SLC39A12: variants seen among roughly 807,000 people sequenced by gnomAD.
SLC39A12 encodes the protein zinc transporter ZIP12.
Under a neutral mutation model 71.1 loss-of-function variants are expected in SLC39A12, and 63 were observed. That is an observed-to-expected ratio of 0.89 (90% confidence interval 0.72 to 1.09). The LOEUF is 1.09. Among genes scored for constraint, SLC39A12 ranks in the 50% least tolerant of loss-of-function variants. The pLI, the probability that SLC39A12 is intolerant of heterozygous loss-of-function variation, is 0.00. For synonymous variants in SLC39A12, 351 were observed against 301.3 expected, an observed-to-expected ratio of 1.16 and a Z score of -1.71; for missense variants, 892 against 812.6, an observed-to-expected ratio of 1.10 and a Z score of -1.19.
chr10:18,039,209 G>A (rs1026090246), intron 12 of SLC39A12, among the ~76,000 whole-genome samples: 9 of 152,134 alleles, frequency 5.9e-5, no homozygotes, highest in Non-Finnish European at 1.0e-4. Context: ...AATCTTGTTT[G>A]AAAAATGAGG....
chr10:17,987,135 C>G (rs1018948066), intron 6 of SLC39A12, among the ~76,000 whole-genome samples: 1 of 152,082 alleles, frequency 6.6e-6, no homozygotes, highest in Non-Finnish European at 1.5e-5. Context: ...TCGAGACCAG[C>G]CTGGGGAACA....
At chr10:18,031,038 AG>A (rs1241224498) in intron 12 of SLC39A12, among the ~76,000 whole-genome samples, 3 of 150,856 alleles carry the variant, frequency 2.0e-5, no homozygotes, top group African/African-American at 7.3e-5. Flanking sequence ...TTCTTAATCC[AG>A]TCTGTCATTG....
At chr10:17,990,036 A>G (rs897871514) in intron 7 of SLC39A12, among the ~76,000 whole-genome samples, 5 of 152,220 alleles carry the variant, frequency 3.3e-5, no homozygotes, top group African/African-American at 1.2e-4. Flanking sequence ...CACAGAAGTG[A>G]GAAAAATGTT....
chr10:17,987,764 C>A, intron 7 of SLC39A12, 113 bp downstream of exon 7: 1 of 1,105,270 alleles, frequency 9.0e-7, no homozygotes, highest in Non-Finnish European at 1.3e-6. Flanking sequence ...AGTATCGTGG[C>A]TGGTGTTTTC....
At position 18,042,471 on chromosome 10, in the gene SLC39A12, A is replaced by AG. The variant is rs1837285665; in HGVS notation, c.1948-234_1948-233insG. On this transcript the variant is annotated intron_variant, in intron 12 of 12. Coordinates refer to ENST00000377369, the MANE Select transcript of SLC39A12 (RefSeq NM_001145195.2). ...AAGACCCTGCCTCAAAAGAAAAAAAAAAAAAAAAAAAAGACTTTGCCAATC... is the reference window on the plus strand; with the variant it reads ...AAGACCCTGCCTCAAAAGAAAAAAAAGAAAAAAAAAAAAGACTTTGCCAATC... 2.0e-5 allele frequency among the ~76,000 whole-genome samples: 3 copies of AG among 151,636 alleles called. No individual in the cohort carries two copies. The South Asian group carries it at 6.3e-4, about 32-fold the overall frequency.
chr10:18,009,306 G>A (rs527854148), intron 12 of SLC39A12, among the ~76,000 whole-genome samples: 1 of 152,214 alleles, frequency 6.6e-6, no homozygotes, highest in African/African-American at 2.4e-5. Context: ...CCAAGCTGAT[G>A]GAGGAGCTGT....
rs1377453780 is a variant in SLC39A12 at position 17,953,524 on chromosome 10, G to T, written c.248G>T (p.Gly83Val). ...GCPRRRNGMQ[G>V]DCNLCFEPDA... Reference sequence around the variant, plus strand: ...CCACGGAGGAGAAACGGAATGCAAGGAGATTGCAATCTGGTTAGTGAAATA... The same window carrying T: ...CCACGGAGGAGAAACGGAATGCAAGTAGATTGCAATCTGGTTAGTGAAATA... The change falls in exon 2 of 13, where the codon GGA becomes GTA. Residue 83 changes from glycine (G) to valine (V), a missense_variant. Physicochemically the swap from Gly to Val is moderately radical, Grantham distance 109 (BLOSUM62 -3). Transcript: ENST00000377369. 3 of 1,614,044 alleles carry T rather than the reference G, an allele frequency of 1.9e-6. No individual in the cohort carries two copies. The highest frequency in any genetic ancestry group is 2.5e-6 in the Non-Finnish European group (3 of 1,180,038).
chr10:17,995,712 C>T lies in SLC39A12; in HGVS notation c.1590C>T (p.Ser530=), dbSNP rs754388549. The change falls in exon 10 of 13, where the codon TCC becomes TCT. Residue 530 remains serine, a synonymous_variant. Coordinates refer to ENST00000377369, the MANE Select transcript of SLC39A12 (RefSeq NM_001145195.2). ...AEMPIGSMTA[S]NRKCKAISLL... ...TGCCTATAGGCAGTATGACAGCCTC[C>T]AACAGAAAATGTGAGTACCAAGCTA... is the stretch of plus-strand genomic sequence containing the variant. 1.2e-5 allele frequency: 20 copies of T among 1,612,418 alleles called. No individual in the cohort carries two copies. In the South Asian group the frequency reaches 2.2e-4, roughly 18 times the overall value.
At chr10:17,985,057 A>T (rs1441292309) in intron 6 of SLC39A12, among the ~76,000 whole-genome samples, 1 of 152,162 alleles carries the variant, frequency 6.6e-6, no homozygotes, top group East Asian at 1.9e-4. Flanking sequence ...TATTAAAATG[A>T]TCTAGTCTGG....
intron 4 of SLC39A12, among the ~76,000 whole-genome samples, chr10:17,966,955 C>A (rs1444407797): frequency 1.3e-5 from 2 of 151,178 alleles, no homozygotes; most frequent in Non-Finnish European, 2.9e-5. Context: ...CCTTTCAAGA[C>A]AGAGCGAGAT....
intron 12 of SLC39A12, among the ~76,000 whole-genome samples, chr10:18,023,682 G>T (rs923762662): frequency 1.3e-5 from 2 of 152,188 alleles, no homozygotes; most frequent in African/African-American, 4.8e-5. Flanking sequence ...TGTGCTGGGG[G>T]TGTCAGCAAA....
At chr10:17,995,769 C>T (rs1835668719) in intron 10 of SLC39A12, 47 bp downstream of exon 10, 5 of 1,501,484 alleles carry the variant, frequency 3.3e-6, no homozygotes, top group African/African-American at 2.8e-5. Flanking sequence ...CATAGAAAAA[C>T]AGTTATGTCT....
Position 17,986,253 on chromosome 10 carries a change from C to A in SLC39A12, c.1097-1226C>A, listed in dbSNP as rs543489750. Among the ~76,000 whole-genome samples, 6 of 152,290 alleles carry A rather than the reference C, an allele frequency of 3.9e-5. No individual in the cohort carries two copies. In the East Asian group the frequency reaches 7.7e-4, roughly 20 times the overall value. ...TTGAGGGTTGGAGGTGAGCTCAGTC[C>A]TTGCTTGCTGCAATAATTTTTAGTA... On this transcript the variant is annotated intron_variant, in intron 6 of 12. Transcript: ENST00000377369.
chr10:18,012,902 A>T (rs1393046092), intron 12 of SLC39A12, among the ~76,000 whole-genome samples: 2 of 151,916 alleles, frequency 1.3e-5, no homozygotes, highest in Admixed American at 1.3e-4. Flanking sequence ...AAATCCTGCA[A>T]AAATGGATTT....
At chr10:18,011,690 A>G (rs961069862) in intron 12 of SLC39A12, among the ~76,000 whole-genome samples, 2 of 152,212 alleles carry the variant, frequency 1.3e-5, no homozygotes, top group African/African-American at 4.8e-5. Context: ...TCCCCTAAGG[A>G]AAAAAAGGAG....
chr10:18,034,945 T>A (rs1240295745), intron 12 of SLC39A12, among the ~76,000 whole-genome samples: 1 of 152,088 alleles, frequency 6.6e-6, no homozygotes. Context: ...GGATTGAAAA[T>A]TCTTGTCTTT....
chr10:18,035,239 G>A (rs1265707896), intron 12 of SLC39A12, among the ~76,000 whole-genome samples: 1 of 145,708 alleles, frequency 6.9e-6, no homozygotes, highest in African/African-American at 2.7e-5. Flanking sequence ...ATCCTGCAGA[G>A]TGTTTTCCAA....
Position 17,993,238 on chromosome 10 carries a change from T to C in SLC39A12, c.1480T>C (p.Ser494Pro). ...VGHSHHLALN[S>P]ELSDQAGRGK... ...TCATTCCCACCATCTTGCACTCAAC[T>C]CTGAATTAAGTGACCAGGCAGGCAG... Residue 494 changes from serine (S) to proline (P), a missense_variant, in exon 9 of 13, where the codon TCT becomes CCT. By Grantham distance (74) the Ser-to-Pro change is moderately conservative. Transcript: ENST00000377369. 1.4e-5 allele frequency: 21 copies of C among 1,551,988 alleles called. No individual in the cohort carries two copies. Among genetic ancestry groups the C allele is most frequent in the Non-Finnish European group, 1.7e-5 (20 of 1,147,036 alleles).
intron 12 of SLC39A12, among the ~76,000 whole-genome samples, chr10:18,015,225 T>C (rs1258401381): frequency 8.7e-6 from 1 of 114,438 alleles, no homozygotes; most frequent in East Asian, 2.3e-4. Context: ...ATATTAAATC[T>C]ATATATCTAT....
Sources: gnomAD v4.1 joint callset for allele counts (sites outside exome capture counted in the v4.1 genomes callset) on GRCh38, gnomAD v4.1.1 for gene constraint, MANE v1.5 for transcripts, NCBI Gene and HGNC (gene_info 2026-07-23, HGNC 2026-07-21) for gene names.